Variants in ZBTB20 observed in about 807,000 individuals in gnomAD.
ZBTB20 encodes zinc finger and BTB domain containing 20.
Under a neutral mutation model 56.9 loss-of-function variants are expected in ZBTB20, and 9 were observed. That is an observed-to-expected ratio of 0.16 (90% CI 0.10 to 0.28). The LOEUF (loss-of-function observed/expected upper bound fraction) is 0.28. Ranked by LOEUF, ZBTB20 falls within the 10% of genes least tolerant of loss-of-function variation. ZBTB20 has a pLI of 1.00. For missense variants in ZBTB20, 655 were observed against 1,003.0 expected (o/e 0.65, Z 4.69); for synonymous variants, 417 against 420.7 (o/e 0.99, Z 0.11).
intron 4 of ZBTB20, among the ~76,000 whole-genome samples, chr3:114,803,193 T>C (rs1004470393): frequency 6.6e-6 from 1 of 151,472 alleles, no homozygotes. Context: ...TTGTATCCTG[T>C]TGAGGGAAAC....
chr3:114,681,459 C>G (rs1393985318), intron 6 of ZBTB20, among the ~76,000 whole-genome samples: 1 of 152,188 alleles, frequency 6.6e-6, no homozygotes, highest in Non-Finnish European at 1.5e-5. Flanking sequence ...CCACGCCCAG[C>G]CTGTAAATCT....
At chr3:114,627,734 C>G (rs1161962351) in intron 6 of ZBTB20, among the ~76,000 whole-genome samples, 1 of 152,160 alleles carries the variant, frequency 6.6e-6, no homozygotes, top group African/African-American at 2.4e-5. Context: ...GTAACTGACA[C>G]AAAATATCTT....
intron 4 of ZBTB20, among the ~76,000 whole-genome samples, chr3:114,863,627 A>G (rs634077): frequency 0.088 from 13,409 of 152,088 alleles, 1,712 homozygotes; most frequent in African/African-American, 0.28. Context: ...CACTAAACAA[A>G]TTCTGTCAAA....
chr3:114,422,646 G>T (rs2089287602), intron 7 of ZBTB20, among the ~76,000 whole-genome samples: 1 of 152,118 alleles, frequency 6.6e-6, no homozygotes, highest in African/African-American at 2.4e-5. Flanking sequence ...AACATAACTT[G>T]TTCCACTTGG....
At chr3:114,632,713 A>G (rs1418563138) in intron 6 of ZBTB20, among the ~76,000 whole-genome samples, 5 of 152,236 alleles carry the variant, frequency 3.3e-5, no homozygotes, top group Non-Finnish European at 7.3e-5. Flanking sequence ...GTATTTAATA[A>G]TATCTTCAAT....
In ZBTB20 at chr3:114,350,432, G is replaced by A; in HGVS notation, c.1646C>T (p.Thr549Ile). 1 of 1,614,180 alleles carries A rather than the reference G, an allele frequency of 6.2e-7. No individual in the cohort carries two copies. Among genetic ancestry groups the A allele is most frequent in the Non-Finnish European group, 8.5e-7 (1 of 1,180,036 alleles). The change falls in exon 11 of 12, where the codon ACC becomes ATC. Residue 549 changes from threonine (T) to isoleucine (I), a missense_variant. Thr to Ile is a moderately conservative substitution (Grantham distance 89). Around this residue, in one of 10 missense-constraint regions of ZBTB20, gnomAD observed 71 missense variants for 89.4 expected, o/e 0.79. Coordinates refer to ENST00000675478, the MANE Select transcript of ZBTB20 (RefSeq NM_001348800.3). ...TGGCGCTGGCAGCTGTGCAGTAAAG[G>A]TCGACAGACCGGGCTGGGACACTGT... ...FVTVSQPGLS[T>I]FTAQLPAPQP...
chr3:115,116,048 G>T (rs1055049940), intron 1 of ZBTB20, among the ~76,000 whole-genome samples: 5 of 151,948 alleles, frequency 3.3e-5, no homozygotes, highest in African/African-American at 1.2e-4. Flanking sequence ...AATGGGCTTG[G>T]ATTATTAGTA....
intron 1 of ZBTB20, among the ~76,000 whole-genome samples, chr3:115,143,203 A>C (rs916182061): frequency 1.3e-5 from 2 of 152,348 alleles, no homozygotes; most frequent in East Asian, 3.9e-4. Context: ...TATTGCTAAA[A>C]TCTTCTGTAA....
intron 7 of ZBTB20, among the ~76,000 whole-genome samples, chr3:114,478,043 C>T (rs112026222): frequency 1.3e-4 from 19 of 147,434 alleles, no homozygotes; most frequent in Admixed American, 6.8e-4. Context: ...TGCAATGGCG[C>T]GATCTTGGCT....
intron 5 of ZBTB20, among the ~76,000 whole-genome samples, chr3:114,793,860 C>T (rs946525724): frequency 2.6e-5 from 4 of 152,024 alleles, no homozygotes; most frequent in Admixed American, 6.6e-5. Flanking sequence ...TGACATCAAT[C>T]TACAGTCAAT....
chr3:114,376,677 A>C (rs550490622), intron 10 of ZBTB20, among the ~76,000 whole-genome samples: 1 of 152,312 alleles, frequency 6.6e-6, no homozygotes, highest in African/African-American at 2.4e-5. Flanking sequence ...CCCACACAAC[A>C]GTTTGGAAAT....
At chr3:114,716,861 T>C (rs1261799975) in intron 5 of ZBTB20, among the ~76,000 whole-genome samples, 1 of 151,982 alleles carries the variant, frequency 6.6e-6, no homozygotes, top group African/African-American at 2.4e-5. Context: ...TACCTGAAAG[T>C]TCTGAGGAAA....
chr3:114,611,675 A>C (rs1381839421), intron 6 of ZBTB20, among the ~76,000 whole-genome samples: 2 of 152,146 alleles, frequency 1.3e-5, no homozygotes, highest in East Asian at 3.8e-4. Context: ...AAGTGCTGTT[A>C]AATGTTGTTT....
intron 2 of ZBTB20, among the ~76,000 whole-genome samples, chr3:115,002,659 C>T (rs185760543): frequency 2.0e-5 from 3 of 151,600 alleles, no homozygotes; most frequent in Admixed American, 6.6e-5. Flanking sequence ...TCTATTGGAA[C>T]GGCTAAAACT....
At chr3:114,997,263 A>C (rs905421692) in intron 2 of ZBTB20, among the ~76,000 whole-genome samples, 3 of 151,852 alleles carry the variant, frequency 2.0e-5, no homozygotes, top group African/African-American at 7.2e-5. Context: ...ATCTCCAGGA[A>C]TGACTGCTAG....
At chr3:114,617,507 G>A (rs775364733) in intron 6 of ZBTB20, among the ~76,000 whole-genome samples, 12 of 152,202 alleles carry the variant, frequency 7.9e-5, no homozygotes, top group Non-Finnish European at 1.0e-4. Context: ...CTTCAGTTAC[G>A]GCACTTAGCA....
chr3:114,798,284 C>T (rs1046183947), intron 5 of ZBTB20, among the ~76,000 whole-genome samples: 3 of 151,124 alleles, frequency 2.0e-5, no homozygotes. Flanking sequence ...AATAAATTTG[C>T]CTCTACAGGA....
chr3:114,455,781 G>A (rs1489963876), intron 7 of ZBTB20, among the ~76,000 whole-genome samples: 2 of 152,142 alleles, frequency 1.3e-5, no homozygotes, highest in Admixed American at 1.3e-4. Context: ...TCTCCCGGGT[G>A]CACTCCAAGG....
At chr3:114,802,598 C>G (rs1277001130) in intron 4 of ZBTB20, among the ~76,000 whole-genome samples, 2 of 151,756 alleles carry the variant, frequency 1.3e-5, no homozygotes, top group African/African-American at 2.4e-5. Flanking sequence ...CCAGGGACAA[C>G]TGAATGAGAG....
Sources: gnomAD v4.1 joint callset for allele counts (sites outside exome capture counted in the v4.1 genomes callset) on GRCh38, gnomAD v4.1.1 for gene constraint, gnomAD v4.1.1 regional missense constraint, MANE v1.5 for transcripts, NCBI Gene and HGNC (gene_info 2026-07-23, HGNC 2026-07-21) for gene names.